LRFN5: variants seen among roughly 807,000 people sequenced by gnomAD.
LRFN5 encodes the protein leucine-rich repeat and fibronectin type-III domain-containing protein 5.
A neutral mutation model predicts 45.6 loss-of-function variants in LRFN5; 24 were observed. The observed-to-expected ratio is 0.53, with a 90% CI of 0.38 to 0.74. The LOEUF is 0.74. LRFN5 is among the 30% of genes least tolerant of loss of function. LRFN5 has a pLI of 0.00. For synonymous variants in LRFN5, 340 were observed against 313.8 expected (o/e 1.08, Z -0.88); for missense variants, 776 against 861.5 (o/e 0.90, Z 1.24).
intron 2 of LRFN5, among the ~76,000 whole-genome samples, chr14:41,884,314 T>C (rs1022314849): frequency 6.6e-6 from 1 of 152,214 alleles, no homozygotes; most frequent in Non-Finnish European, 1.5e-5. Flanking sequence ...TATTTGTTAA[T>C]GCTTATTTTG....
At chr14:41,781,159 A>C (rs187925948) in intron 2 of LRFN5, among the ~76,000 whole-genome samples, 1 of 152,216 alleles carries the variant, frequency 6.6e-6, no homozygotes, top group African/African-American at 2.4e-5. Context: ...GTTCTGACTT[A>C]CTATTTTCTT....
intron 1 of LRFN5, among the ~76,000 whole-genome samples, chr14:41,737,508 CG>C (rs1884494251): frequency 6.6e-6 from 1 of 151,956 alleles, no homozygotes; most frequent in Non-Finnish European, 1.5e-5. Flanking sequence ...GCAGGGCAGT[CG>C]GGCAAGAGAA....
chr14:41,859,890 A>AATCAACC (rs1889602517), intron 2 of LRFN5, among the ~76,000 whole-genome samples: 1 of 152,320 alleles, frequency 6.6e-6, no homozygotes, highest in Admixed American at 6.5e-5. Flanking sequence ...TATACATAAT[A>AATCAACC]ATCAACCATT....
chr14:41,765,307 A>C (rs1050000859), intron 1 of LRFN5, among the ~76,000 whole-genome samples: 1 of 148,436 alleles, frequency 6.7e-6, no homozygotes, highest in East Asian at 2.0e-4. Flanking sequence ...GCGCCACTGC[A>C]CTCCAGCCTG....
chr14:41,645,360 G>C (rs1879767490), intron 1 of LRFN5, among the ~76,000 whole-genome samples: 1 of 152,144 alleles, frequency 6.6e-6, no homozygotes, highest in Admixed American at 6.5e-5. Context: ...TCAGCCTCCA[G>C]AGTAGCTGGG....
At chr14:41,670,256 GATATATATATATATAT>G (rs1165968461) in intron 1 of LRFN5, among the ~76,000 whole-genome samples, 95 of 45,742 alleles carry the variant, frequency 2.1e-3, no homozygotes, top group Non-Finnish European at 2.5e-3. Flanking sequence ...CATACACACA[GATATATATATATATAT>G]ATATATATAT....
intron 1 of LRFN5, among the ~76,000 whole-genome samples, chr14:41,667,572 T>C (rs991434590): frequency 1.3e-5 from 2 of 152,164 alleles, no homozygotes; most frequent in Admixed American, 1.3e-4. Flanking sequence ...GCCCCTTTCC[T>C]GAATCTATAG....
At chr14:41,761,812 T>C (rs1319740022) in intron 1 of LRFN5, among the ~76,000 whole-genome samples, 2 of 152,196 alleles carry the variant, frequency 1.3e-5, no homozygotes, top group Admixed American at 6.5e-5. Context: ...GATTCTATCA[T>C]TTGACAAAAT....
In LRFN5 at chr14:41,781,596, GAAAGAAAGAAAGAAAGAAAGAGAAAGAA is replaced by G. The variant is rs1204629750; in HGVS notation, c.-21+14569_-21+14596del. Among the ~76,000 whole-genome samples the G allele has an allele frequency of 1.4e-3, 121 of 85,788 alleles. 3 individuals carry two copies. Among genetic ancestry groups the G allele is most frequent in the African/African-American group, 6.6e-3 (117 of 17,808 alleles). The allele number at this position is 85,788 out of a possible 152,430, so 56.3% of individuals were successfully genotyped here. A position where few individuals can be genotyped will look rare whatever the true frequency, so the allele number is the denominator to read the frequency against. On this transcript the variant is annotated intron_variant, in intron 2 of 5. Transcript: ENST00000298119. Reference sequence around the variant, plus strand: ...AGAAAGAAAGAAAGAAAGAAAGAAAGAAAGAAAGAAAGAAAGAAAGAGAAAGAAAGAAAGAAAGGAAAGAAAGAAAGAG... The same window carrying G: ...AGAAAGAAAGAAAGAAAGAAAGAAAGAGAAAGAAAGGAAAGAAAGAAAGAG...
In LRFN5 at chr14:41,653,072, C is replaced by G. The variant is rs529400933; in HGVS notation, c.-197+44510C>G. Reference sequence around the variant, plus strand: ...TAGATGCTGGATATTAGACCTTTGTCAGAGGCATACTTTGCAAAAATTTTC... The same window carrying G: ...TAGATGCTGGATATTAGACCTTTGTGAGAGGCATACTTTGCAAAAATTTTC... On this transcript the variant is annotated intron_variant, in intron 1 of 5. Coordinates refer to ENST00000298119, the MANE Select transcript of LRFN5 (RefSeq NM_152447.5). 3.3e-5 allele frequency among the ~76,000 whole-genome samples: 5 copies of G among 152,206 alleles called. 1 individual carries two copies. Among genetic ancestry groups the G allele is most frequent in the African/African-American group, 1.2e-4 (5 of 41,550 alleles).
At chr14:41,846,020 A>T (rs1998554) in intron 2 of LRFN5, among the ~76,000 whole-genome samples, 18 of 151,222 alleles carry the variant, frequency 1.2e-4, no homozygotes, top group African/African-American at 4.4e-4. Flanking sequence ...AGCCCCTTCC[A>T]TAACTGTTAT....
At chr14:41,614,260 T>C (rs938252800) in intron 1 of LRFN5, among the ~76,000 whole-genome samples, 6 of 152,116 alleles carry the variant, frequency 3.9e-5, no homozygotes, top group African/African-American at 1.4e-4. Context: ...GTAGTGCATA[T>C]GCTTTATTTT....
chr14:41,838,274 A>G (rs749902265), intron 2 of LRFN5, among the ~76,000 whole-genome samples: 1 of 152,140 alleles, frequency 6.6e-6, no homozygotes, highest in Non-Finnish European at 1.5e-5. Context: ...TTTTAATGCT[A>G]AACATTTCAT....
chr14:41,781,649 GAA>G (rs1395890479), intron 2 of LRFN5, among the ~76,000 whole-genome samples: 1 of 117,910 alleles, frequency 8.5e-6, no homozygotes, highest in Non-Finnish European at 1.8e-5. Flanking sequence ...GAAAGAAAGA[GAA>G]AGAAAGAAAG....
chr14:41,614,799 T>C (rs1006537818), intron 1 of LRFN5, among the ~76,000 whole-genome samples: 4 of 152,070 alleles, frequency 2.6e-5, no homozygotes, highest in African/African-American at 9.7e-5. Flanking sequence ...TTCAGTGATA[T>C]AGTTCATTAG....
chr14:41,851,093 C>T (rs374451086), intron 2 of LRFN5, among the ~76,000 whole-genome samples: 1 of 151,744 alleles, frequency 6.6e-6, no homozygotes, highest in African/African-American at 2.4e-5. Flanking sequence ...AAATAGATAA[C>T]AGTTTCATTG....
At chr14:41,608,604 G>GT (rs1887600824) in intron 1 of LRFN5, 42 bp downstream of exon 1, 1 of 152,606 alleles carries the variant, frequency 6.6e-6, no homozygotes, top group Admixed American at 6.5e-5. Flanking sequence ...ATTTCCTTTT[G>GT]ATCTTGTTTC....
chr14:41,857,916 G>C (rs1333875161), intron 2 of LRFN5, among the ~76,000 whole-genome samples: 1 of 152,194 alleles, frequency 6.6e-6, no homozygotes, highest in Non-Finnish European at 1.5e-5. Flanking sequence ...AAATACAAGA[G>C]CTGAAATGAT....
chr14:41,849,422 T>C (rs1327078756), intron 2 of LRFN5, among the ~76,000 whole-genome samples: 4 of 151,660 alleles, frequency 2.6e-5, no homozygotes, highest in Non-Finnish European at 5.9e-5. Context: ...TAAGGTAGCA[T>C]CAGATTTTCT....
Sources: gnomAD v4.1 joint callset for allele counts (sites outside exome capture counted in the v4.1 genomes callset) on GRCh38, gnomAD v4.1.1 for gene constraint, MANE v1.5 for transcripts, NCBI Gene and HGNC (gene_info 2026-07-23, HGNC 2026-07-21) for gene names.